GRIP1: variants seen among roughly 807,000 people sequenced by gnomAD.
GRIP1 encodes glutamate receptor interacting protein 1, also known as glutamate receptor-interacting protein 1.
A neutral mutation model predicts 129.9 loss-of-function variants in GRIP1; 45 were observed. That is an observed-to-expected ratio of 0.35 (90% confidence interval 0.27 to 0.44). The LOEUF (loss-of-function observed/expected upper bound fraction) is 0.44, where lower values mean the gene tolerates loss of function less well. Among genes scored for constraint, GRIP1 ranks in the 20% least tolerant of loss-of-function variants. GRIP1 has a pLI of 1.00. For missense variants in GRIP1, 1,196 were observed against 1,396.8 expected (o/e 0.86, Z 2.29); for synonymous variants, 530 against 520.8 (o/e 1.02, Z -0.24).
At chr12:66,387,767 T>C (rs935252586) in intron 19 of GRIP1, among the ~76,000 whole-genome samples, 1 of 152,144 alleles carries the variant, frequency 6.6e-6, no homozygotes. Flanking sequence ...CATGAGCTTG[T>C]AGAGATCAGA....
intron 1 of GRIP1, among the ~76,000 whole-genome samples, chr12:66,941,818 A>G (rs2041591063): frequency 6.6e-6 from 1 of 152,234 alleles, no homozygotes; most frequent in East Asian, 1.9e-4. Flanking sequence ...TTGTTCTGAC[A>G]TATCTAGCAC....
chr12:67,007,879 A>C (rs2042650839), intron 1 of GRIP1, among the ~76,000 whole-genome samples: 1 of 152,156 alleles, frequency 6.6e-6, no homozygotes, highest in South Asian at 2.1e-4. Context: ...CTAGGCCTAC[A>C]ATGTGCATCA....
chr12:66,924,696 G>A (rs543808777), intron 1 of GRIP1, among the ~76,000 whole-genome samples: 94 of 152,264 alleles, frequency 6.2e-4, no homozygotes, highest in African/African-American at 2.0e-3. Flanking sequence ...GGCCAGGCAC[G>A]GTGGCTCACG....
chr12:67,032,958 T>C (rs1034301097), intron 1 of GRIP1, among the ~76,000 whole-genome samples: 3 of 152,108 alleles, frequency 2.0e-5, no homozygotes. Context: ...ATTTACATTA[T>C]TTTTTCTTAC....
chr12:66,969,690 C>CA (rs2042045506), intron 1 of GRIP1, among the ~76,000 whole-genome samples: 1 of 151,948 alleles, frequency 6.6e-6, no homozygotes, highest in African/African-American at 2.4e-5. Context: ...GTGCTGGGAT[C>CA]ACAGGTGTGA....
intron 1 of GRIP1, among the ~76,000 whole-genome samples, chr12:66,933,363 T>A (rs1299089783): frequency 6.6e-6 from 1 of 152,180 alleles, no homozygotes; most frequent in African/African-American, 2.4e-5. Context: ...TAAAAATAAA[T>A]TGTCTTATAT....
intron 1 of GRIP1, among the ~76,000 whole-genome samples, chr12:66,973,637 A>G (rs1243065402): frequency 6.6e-6 from 1 of 152,138 alleles, no homozygotes; most frequent in Non-Finnish European, 1.5e-5. Flanking sequence ...AACTCTAGGA[A>G]AGATAATTCT....
At chr12:66,715,214 A>G (rs2035838993) in intron 1 of GRIP1, among the ~76,000 whole-genome samples, 2 of 151,922 alleles carry the variant, frequency 1.3e-5, no homozygotes, top group Admixed American at 6.6e-5. Flanking sequence ...GTCTTTCATG[A>G]CCTGCCTCCC....
intron 1 of GRIP1, among the ~76,000 whole-genome samples, chr12:66,705,193 G>A (rs1269739721): frequency 1.3e-5 from 2 of 151,962 alleles, no homozygotes; most frequent in African/African-American, 4.8e-5. Flanking sequence ...AACAGCAATG[G>A]AAGCCATTCA....
intron 1 of GRIP1, among the ~76,000 whole-genome samples, chr12:66,813,667 G>A (rs535777655): frequency 6.6e-6 from 1 of 152,254 alleles, no homozygotes; most frequent in Non-Finnish European, 1.5e-5. Flanking sequence ...GATACAGCAT[G>A]AACAGGAAGG....
chr12:66,931,464 G>A (rs2041394930), intron 1 of GRIP1, among the ~76,000 whole-genome samples: 1 of 152,192 alleles, frequency 6.6e-6, no homozygotes, highest in South Asian at 2.1e-4. Context: ...ACTAGGGCAT[G>A]CTTGTTGAGG....
intron 2 of GRIP1, among the ~76,000 whole-genome samples, chr12:66,575,858 T>C (rs2063122456): frequency 1.3e-5 from 2 of 152,178 alleles, no homozygotes; most frequent in Admixed American, 6.5e-5. Context: ...GTAGAAAGGA[T>C]TGACTTTAAG....
chr12:66,727,259 T>C (rs895384214), intron 1 of GRIP1, among the ~76,000 whole-genome samples: 2 of 152,228 alleles, frequency 1.3e-5, no homozygotes, highest in African/African-American at 2.4e-5. Context: ...ACCCATACCA[T>C]GTAACTTCAC....
chr12:66,679,350 A>G (rs953976246), upstream of GRIP1, among the ~76,000 whole-genome samples: 1 of 148,972 alleles, frequency 6.7e-6, no homozygotes, highest in Non-Finnish European at 1.5e-5. Flanking sequence ...TGTCCTTTAT[A>G]TGTCTCATTT....
intron 2 of GRIP1, among the ~76,000 whole-genome samples, chr12:66,578,554 A>T (rs2870858): frequency 6.6e-6 from 1 of 150,592 alleles, no homozygotes; most frequent in East Asian, 2.0e-4. Flanking sequence ...ACTCCCACCC[A>T]AATACTGCGC....
At chr12:66,467,686 C>A (rs2059324920) in intron 7 of GRIP1, among the ~76,000 whole-genome samples, 1 of 152,210 alleles carries the variant, frequency 6.6e-6, no homozygotes, top group African/African-American at 2.4e-5. Flanking sequence ...CTGGCTCCAC[C>A]CCCAGCAGTC....
intron 16 of GRIP1, among the ~76,000 whole-genome samples, chr12:66,403,855 C>G (rs2057094629): frequency 6.6e-6 from 1 of 152,208 alleles, no homozygotes; most frequent in South Asian, 2.1e-4. Flanking sequence ...GTTTCAGAAA[C>G]TCCTGCCAAC....
chr12:66,589,681 A>T (rs1280815952), intron 2 of GRIP1, among the ~76,000 whole-genome samples: 1 of 152,220 alleles, frequency 6.6e-6, no homozygotes, highest in Non-Finnish European at 1.5e-5. Context: ...ACCTAAGTAA[A>T]GAAGTATACC....
chr12:66,620,815 A>T (rs2065239334), intron 1 of GRIP1, among the ~76,000 whole-genome samples: 1 of 149,818 alleles, frequency 6.7e-6, no homozygotes. Context: ...CCAGGGGAGG[A>T]GGGGGAAGAG....
Sources: allele counts gnomAD v4.1 joint callset (sites outside exome capture counted in the v4.1 genomes callset), GRCh38; gene constraint gnomAD v4.1.1; transcripts MANE v1.5; gene names NCBI Gene and HGNC (gene_info 2026-07-23, HGNC 2026-07-21).